SMG1: variants seen among roughly 807,000 people sequenced by gnomAD.
SMG1 encodes serine/threonine-protein kinase SMG1.
SMG1 carries 22 observed loss-of-function variants against 419.9 expected under a neutral mutation model. The ratio of observed to expected loss-of-function variants is 0.05; its 90% CI spans 0.04 to 0.07. SMG1 has a LOEUF of 0.07. SMG1 is among the 10% of genes least tolerant of loss of function. SMG1 has a pLI of 1.00. For missense variants in SMG1, 3,185 were observed against 4,342.0 expected, an observed-to-expected ratio of 0.73 and a Z score of 7.49; for synonymous variants, 1,538 against 1,553.5, an observed-to-expected ratio of 0.99 and a Z score of 0.23.
intron 60 of SMG1, among the ~76,000 whole-genome samples, chr16:18,812,661 C>G (rs201390827): frequency 6.6e-6 from 1 of 150,784 alleles, no homozygotes; most frequent in African/African-American, 2.4e-5. Context: ...CACACACACA[C>G]ATATATATAT....
At chr16:18,873,996 A>G (rs1349429772) in intron 13 of SMG1, among the ~76,000 whole-genome samples, 1 of 152,236 alleles carries the variant, frequency 6.6e-6, no homozygotes, top group East Asian at 1.9e-4. Context: ...CATAAGCTGT[A>G]ACTGGTAATA....
In SMG1 at chr16:18,832,969, T is replaced by G; in HGVS notation, c.8763A>C (p.Glu2921Asp). ...LRNAAMGLEE[E>D]THAHYIDVAR... ...CAACATCGATGTAATGAGCATGTGT[T>G]TCTTCTTCCAGTCCCATAGCTGCGT... Residue 2921 changes from glutamate (E) to aspartate (D), a missense_variant, in exon 51 of 63, where the codon GAA (glutamate) becomes GAC (aspartate). Physicochemically the swap from Glu to Asp is conservative, Grantham distance 45 (BLOSUM62 2). This residue lies in a region of SMG1 where 737 missense variants were observed against 846.6 expected (regional missense o/e 0.87). Transcript: ENST00000446231. The G allele has an allele frequency of 7.4e-6, 12 of 1,613,978 alleles. No individual in the cohort carries two copies. The highest frequency in any genetic ancestry group is 1.0e-5 in the Non-Finnish European group (12 of 1,179,878).
chr16:18,879,012 A>G (rs1248381778), intron 11 of SMG1: 1 of 203,654 alleles, frequency 4.9e-6, no homozygotes, highest in Non-Finnish European at 1.0e-5. Flanking sequence ...CCTGTCTCAA[A>G]AAAAAATTGC....
chr16:18,837,991 C>T lies in SMG1; in HGVS notation c.7413+23G>A, dbSNP rs186297006. 149 of 1,609,424 alleles carry T rather than the reference C, an allele frequency of 9.3e-5. No individual in the cohort carries two copies. The East Asian group carries it at 2.9e-3, about 31-fold the overall frequency. ...TCTATTAATAAAAAGAAGACAATGA[C>T]TTATTCCGTCACTGGGCTTCACCTT... On this transcript the variant is annotated intron_variant, in intron 45 of 62. Coordinates refer to ENST00000446231, the MANE Select transcript of SMG1 (RefSeq NM_015092.5).
At chr16:18,913,925 G>A (rs2037878190) in intron 1 of SMG1, among the ~76,000 whole-genome samples, 1 of 152,024 alleles carries the variant, frequency 6.6e-6, no homozygotes. Context: ...CAGCACTTCG[G>A]GAAGCCAAGG....
At position 18,854,699 on chromosome 16, in the gene SMG1, C is replaced by G. The variant is rs779502841; in HGVS notation, c.4440G>C (p.Gly1480=). Residue 1480 remains glycine, a synonymous_variant, in exon 30 of 63, where the codon GGG becomes GGC. Coordinates refer to ENST00000446231, the MANE Select transcript of SMG1 (RefSeq NM_015092.5). ...TGGTTTTTTCAATATCAAGTTCGGG[C>G]CCCCATTTTTCATCCACTTGACCTT... The part of the protein sequence containing the change: ...STQGQVDEKW[G]PELDIEKTKL... The G allele has an allele frequency of 6.2e-6, 10 of 1,613,746 alleles. No homozygotes were observed. The East Asian group carries it at 1.1e-4, about 18-fold the overall frequency.
intron 13 of SMG1, among the ~76,000 whole-genome samples, chr16:18,874,030 C>T (rs1057344404): frequency 6.6e-6 from 1 of 152,242 alleles, no homozygotes; most frequent in Non-Finnish European, 1.5e-5. Context: ...TGGAATTATA[C>T]AAGGCAATCC....
Position 18,869,229 on chromosome 16 carries a change from C to G in SMG1, c.2708G>C (p.Arg903Pro). 1.2e-6 allele frequency: 2 copies of G among 1,611,568 alleles called. No homozygotes were observed. The highest frequency in any genetic ancestry group is 1.3e-5 in the African/African-American group (1 of 74,946). Reference sequence around the variant, plus strand: ...GACAGCATCTGTCTTCAGGAGATTGCGTGGAATTGTTGACTGGTCACGCTT... The same window carrying G: ...GACAGCATCTGTCTTCAGGAGATTGGGTGGAATTGTTGACTGGTCACGCTT... The part of the protein sequence containing the change: ...LDKRDQSTIP[R>P]NLLKTDAVLW... Residue 903 changes from arginine (R) to proline (P), a missense_variant, in exon 20 of 63, where the codon CGC (arginine) becomes CCC (proline). Around this residue, in one of 27 missense-constraint regions of SMG1, gnomAD observed 48 missense variants for 48.8 expected, o/e 0.98. Coordinates refer to ENST00000446231, the MANE Select transcript of SMG1 (RefSeq NM_015092.5).
At chr16:18,821,174 A>C (rs2032494946) in intron 55 of SMG1, among the ~76,000 whole-genome samples, 1 of 150,986 alleles carries the variant, frequency 6.6e-6, no homozygotes, top group Admixed American at 6.6e-5. Flanking sequence ...GTATTAAGGC[A>C]CAGTAATTAT....
rs1053906712 is a variant in SMG1, at chr16:18,890,877, G to C, written c.594C>G (p.Asp198Glu). 1.0e-5 allele frequency: 16 copies of C among 1,578,098 alleles called. No individual in the cohort carries two copies. Among genetic ancestry groups the C allele is most frequent in the Non-Finnish European group, 1.3e-5 (15 of 1,149,546 alleles). ...TAGTTACTTACCTTTCATTAAGCAC[G>C]TCATGTACAGCAGCCAAGATATTAT... ...QLDNILAAVH[D>E]VLNESSKLLQ... Residue 198 changes from aspartate to glutamate, a missense_variant, in exon 5 of 63, where the codon GAC becomes GAG. Asp to Glu is a conservative substitution (Grantham distance 45, BLOSUM62 2). This residue lies in a region of SMG1 where 20 missense variants were observed against 54.7 expected (regional missense o/e 0.37). Coordinates refer to ENST00000446231, the MANE Select transcript of SMG1 (RefSeq NM_015092.5).
intron 11 of SMG1, 27 bp downstream of exon 11, chr16:18,879,468 T>A: frequency 1.3e-6 from 1 of 786,986 alleles, no homozygotes. Context: ...ACCAACACAT[T>A]AAAAAGGAAA....
intron 60 of SMG1, among the ~76,000 whole-genome samples, chr16:18,814,897 T>G (rs577231475): frequency 5.6e-4 from 76 of 135,866 alleles, no homozygotes; most frequent in Admixed American, 1.4e-3. Flanking sequence ...TTTTTTTTTT[T>G]AATAGCTGTT....
intron 51 of SMG1, among the ~76,000 whole-genome samples, chr16:18,832,223 G>C (rs536090724): frequency 6.6e-6 from 1 of 152,218 alleles, no homozygotes; most frequent in African/African-American, 2.4e-5. Context: ...GAACGCCAAA[G>C]AAAAGAGGCC....
rs1265481898 is a variant in SMG1, at chr16:18,808,913, G to A, written c.*656C>T. 1 of 152,516 alleles carries A rather than the reference G, an allele frequency of 6.6e-6. No individual in the cohort carries two copies. Among genetic ancestry groups the A allele is most frequent in the African/African-American group, 2.4e-5 (1 of 41,376 alleles). The allele number at this position is 152,516 out of a possible 1,614,324, so 9.4% of individuals were successfully genotyped here. A position where few individuals can be genotyped will look rare whatever the true frequency, so the allele number is the denominator to read the frequency against. The stretch of plus-strand genomic sequence containing the variant: ...AAAGGGGGAACGGGTAAGTGGTGGG[G>A]AGGAGTAGGGAACGATGGGGTGGTT... On this transcript the variant is annotated 3_prime_UTR_variant, in exon 63 of 63. Coordinates refer to ENST00000446231, the MANE Select transcript of SMG1 (RefSeq NM_015092.5).
At chr16:18,814,210 GTT>G (rs1473660560) in intron 60 of SMG1, among the ~76,000 whole-genome samples, 1 of 151,976 alleles carries the variant, frequency 6.6e-6, no homozygotes, top group African/African-American at 2.4e-5. Flanking sequence ...ATCCCAATGT[GTT>G]TGTGTATGTG....
chr16:18,819,686 A>C, intron 55 of SMG1, 32 bp from the exon 56 acceptor site: 1 of 1,497,118 alleles, frequency 6.7e-7, no homozygotes. Flanking sequence ...TGGTGAAGGT[A>C]TATGACATTC....
At position 18,829,714 on chromosome 16, in the gene SMG1, C is replaced by T. The variant is rs746602528; in HGVS notation, c.9175G>A (p.Val3059Ile). 2 of 1,611,774 alleles carry T rather than the reference C, an allele frequency of 1.2e-6. No individual in the cohort carries two copies. Among genetic ancestry groups the T allele is most frequent in the East Asian group, 2.2e-5 (1 of 44,832 alleles). The stretch of plus-strand genomic sequence containing the variant: ...AGGGTTTTCACATTGACAATCTGTA[C>T]AGGCCCATTCACAGTATTCTGATCT... ...LEDQNTVNGPVQIVNVKTLFR... is the reference protein window; with the variant it reads ...LEDQNTVNGPIQIVNVKTLFR... The change falls in exon 54 of 63, where the codon GTA becomes ATA. Residue 3059 changes from valine (V) to isoleucine (I), a missense_variant. Physicochemically the swap from Val to Ile is conservative, Grantham distance 29 (BLOSUM62 3). This residue lies in a region of SMG1 where 737 missense variants were observed against 846.6 expected (regional missense o/e 0.87). Coordinates refer to ENST00000446231, the MANE Select transcript of SMG1 (RefSeq NM_015092.5).
Position 18,811,583 on chromosome 16 carries a change from G to A in SMG1, c.10908+178C>T, listed in dbSNP as rs189984144. ...GGAAAGTGCTCATAGGGAAGGGTCA[G>A]AGTAAAATGGTGACTACTTGACGAC... On this transcript the variant is annotated intron_variant, in intron 62 of 62. Coordinates refer to ENST00000446231, the MANE Select transcript of SMG1 (RefSeq NM_015092.5). Among the ~76,000 whole-genome samples, 34 of 152,308 alleles carry A rather than the reference G, an allele frequency of 2.2e-4. 1 individual carries two copies. The highest frequency in any genetic ancestry group is 2.2e-3 in the Admixed American group (33 of 15,300).
intron 41 of SMG1, among the ~76,000 whole-genome samples, chr16:18,841,294 G>A (rs1280778643): frequency 2.6e-5 from 4 of 151,008 alleles, no homozygotes; most frequent in African/African-American, 7.3e-5. Context: ...CCCGCTACTC[G>A]GGAGCCTGTA....
Sources: gnomAD v4.1 joint callset for allele counts (sites outside exome capture counted in the v4.1 genomes callset) on GRCh38, gnomAD v4.1.1 for gene constraint, gnomAD v4.1.1 regional missense constraint, MANE v1.5 for transcripts, NCBI Gene and HGNC (gene_info 2026-07-23, HGNC 2026-07-21) for gene names.